KIF13B: variants seen among roughly 807,000 people sequenced by gnomAD.
The protein encoded by KIF13B is kinesin family member 13B, also known as kinesin-like protein KIF13B.
Under a neutral mutation model 222.0 loss-of-function variants are expected in KIF13B, and 127 were observed. That is an observed-to-expected ratio of 0.57 (90% CI 0.50 to 0.66). The LOEUF (loss-of-function observed/expected upper bound fraction) is 0.66. Ranked by LOEUF, KIF13B falls within the 30% of genes least tolerant of loss-of-function variation. The probability of loss-of-function intolerance (pLI) is 0.00; values close to 1 mark genes in which losing one functional copy is unlikely to be tolerated. For synonymous variants in KIF13B, 976 were observed against 919.0 expected (o/e 1.06, Z -1.12); for missense variants, 2,173 against 2,379.0 (o/e 0.91, Z 1.80).
chr8:29,070,754 C>A lies in KIF13B; in HGVS notation c.5231G>T (p.Gly1744Val). The stretch of plus-strand genomic sequence containing the variant: ...GAAGTACTGCTTCCCGCCGATGGAA[C>A]CGTCATTCTTACCTGCGGGGGAAGG... Reference protein sequence around the residue: ...ELDLPSGKNDGSIGGKQYFRC... With the variant: ...ELDLPSGKNDVSIGGKQYFRC... The change falls in exon 40 of 40, where the codon GGT becomes GTT. Residue 1744 changes from glycine (G) to valine (V), a missense_variant. Gly to Val is a moderately radical substitution (Grantham distance 109). Transcript: ENST00000524189. The surrounding 1 kb of genome is among the most constrained non-coding windows in gnomAD (Gnocchi z 4.1). The A allele has an allele frequency of 6.3e-7, 1 of 1,588,242 alleles. No individual in the cohort carries two copies. Among genetic ancestry groups the A allele is most frequent in the Admixed American group, 1.8e-5 (1 of 56,602 alleles).
At chr8:29,253,587 A>G (rs1030627313) in intron 1 of KIF13B, among the ~76,000 whole-genome samples, 1 of 151,972 alleles carries the variant, frequency 6.6e-6, no homozygotes, top group Non-Finnish European at 1.5e-5. Flanking sequence ...AAAGAAACCA[A>G]TCAACCTCAG....
intron 29 of KIF13B, among the ~76,000 whole-genome samples, chr8:29,120,308 T>G (rs1809807826): frequency 9.1e-6 from 1 of 110,182 alleles, no homozygotes; most frequent in Admixed American, 9.5e-5. Context: ...TAGGTATATC[T>G]CCCAATGCTA....
At chr8:29,122,503 G>A in intron 29 of KIF13B, 88 bp downstream of exon 29, 1 of 1,035,014 alleles carries the variant, frequency 9.7e-7, no homozygotes, top group Non-Finnish European at 1.5e-6. Flanking sequence ...GGACAGAATT[G>A]CCTCACGATG....
chr8:29,242,967 T>C (rs1815845688), intron 2 of KIF13B, among the ~76,000 whole-genome samples: 1 of 152,212 alleles, frequency 6.6e-6, no homozygotes, highest in Non-Finnish European at 1.5e-5. Context: ...TTTATGACCT[T>C]GCAAAGCTGA....
chr8:29,099,315 A>T, intron 35 of KIF13B, 74 bp from the exon 36 acceptor site: 1 of 1,013,970 alleles, frequency 9.9e-7, no homozygotes. Context: ...ACAGATACTC[A>T]AGAAAAAAAA....
chr8:29,130,269 T>G lies in KIF13B; in HGVS notation c.3075+264A>C, dbSNP rs1201070660. On this transcript the variant is annotated intron_variant, in intron 24 of 39. Coordinates refer to ENST00000524189, the MANE Select transcript of KIF13B (RefSeq NM_015254.4). ...GCTCACACCCATAATTCCAACACTT[T>G]GGAAGGCCAAGGTGGGAGGATTGCT... Among the ~76,000 whole-genome samples the G allele has an allele frequency of 5.9e-5, 9 of 152,314 alleles. No homozygotes were observed. The South Asian group carries it at 6.2e-4, about 11-fold the overall frequency.
chr8:29,072,758 C>A (rs1424227251), intron 38 of KIF13B, among the ~76,000 whole-genome samples: 1 of 152,146 alleles, frequency 6.6e-6, no homozygotes, highest in Non-Finnish European at 1.5e-5. Context: ...GCCTGCCATG[C>A]AGGGCCAGCA....
chr8:29,161,173 A>G (rs1410926418), intron 12 of KIF13B, among the ~76,000 whole-genome samples: 2 of 152,230 alleles, frequency 1.3e-5, no homozygotes, highest in African/African-American at 2.4e-5. Flanking sequence ...CTGTATATAT[A>G]AAAGCAAAAG....
intron 37 of KIF13B, among the ~76,000 whole-genome samples, chr8:29,077,380 G>A (rs899546161): frequency 4.6e-5 from 7 of 152,340 alleles, no homozygotes; most frequent in South Asian, 2.1e-4. Flanking sequence ...GCCAGGGCTC[G>A]TATCTTCATT....
In KIF13B at chr8:29,201,725, G is replaced by A. The variant is rs375493201; in HGVS notation, c.150-5526C>T. On this transcript the variant is annotated intron_variant, in intron 2 of 39. Transcript: ENST00000524189. ...ACCCCACCCCAACCCGCTGTATAAC[G>A]GATGTATACATCACAAAGAGCTTAT... Among the ~76,000 whole-genome samples, 15 of 152,284 alleles carry A rather than the reference G, an allele frequency of 9.9e-5. No individual in the cohort carries two copies. In the South Asian group the frequency reaches 1.9e-3, roughly 19 times the overall value.
intron 26 of KIF13B, 44 bp from the exon 27 acceptor site, chr8:29,124,167 T>C: frequency 8.6e-7 from 1 of 1,161,070 alleles, no homozygotes; most frequent in South Asian, 1.3e-5. Flanking sequence ...AATGTCAAGA[T>C]AATCTATCTG....
intron 37 of KIF13B, among the ~76,000 whole-genome samples, chr8:29,090,752 C>T (rs1299865294): frequency 6.6e-6 from 1 of 152,082 alleles, no homozygotes; most frequent in African/African-American, 2.4e-5. Flanking sequence ...CTCTGTCACC[C>T]AGGCTGGAAT....
At chr8:29,175,323 T>C (rs373737765) in intron 10 of KIF13B, among the ~76,000 whole-genome samples, 1 of 152,306 alleles carries the variant, frequency 6.6e-6, no homozygotes, top group African/African-American at 2.4e-5. Flanking sequence ...TCCTATTACA[T>C]GTTATCACCA....
In KIF13B at chr8:29,116,838, C is replaced by A; in HGVS notation, c.3830G>T (p.Gly1277Val). ...LRKRICVNVHGRQGFAQSLLK... is the reference protein window; with the variant it reads ...LRKRICVNVHVRQGFAQSLLK... ...CTTCCACTGAAGACTAACCTGGCGG[C>A]CGTGAACATTGACACAGATTCTCTT... Residue 1277 changes from glycine to valine, a missense_variant, in exon 31 of 40, where the codon GGC (glycine) becomes GTC (valine). Coordinates refer to ENST00000524189, the MANE Select transcript of KIF13B (RefSeq NM_015254.4). 6.2e-7 allele frequency: 1 copy of A among 1,605,050 alleles called. No homozygotes were observed. Among genetic ancestry groups the A allele is most frequent in the Non-Finnish European group, 8.5e-7 (1 of 1,173,740 alleles).
chr8:29,085,231 G>T (rs1042017395), intron 37 of KIF13B, among the ~76,000 whole-genome samples: 31 of 152,252 alleles, frequency 2.0e-4, no homozygotes, highest in African/African-American at 6.7e-4. Flanking sequence ...AAGCATCCAG[G>T]TTTTCATTAA....
intron 12 of KIF13B, among the ~76,000 whole-genome samples, chr8:29,164,681 T>C (rs950102776): frequency 1.3e-5 from 2 of 152,168 alleles, no homozygotes; most frequent in Non-Finnish European, 2.9e-5. Flanking sequence ...AAAAGCCTGT[T>C]AGATGGGGTC....
At chr8:29,241,752 C>CATAA (rs1188379261) in intron 2 of KIF13B, among the ~76,000 whole-genome samples, 1 of 150,492 alleles carries the variant, frequency 6.6e-6, no homozygotes, top group Non-Finnish European at 1.5e-5. Flanking sequence ...GAATGTCCTC[C>CATAA]ATAAAGCAGA....
intron 2 of KIF13B, among the ~76,000 whole-genome samples, chr8:29,216,175 T>C (rs928629258): frequency 6.6e-6 from 1 of 152,212 alleles, no homozygotes; most frequent in African/African-American, 2.4e-5. Context: ...TACACTTTAA[T>C]ACACCAACCC....
At position 29,223,520 on chromosome 8, in the gene KIF13B, G is replaced by A. The variant is rs1296082439; in HGVS notation, c.149+21826C>T. On this transcript the variant is annotated intron_variant, in intron 2 of 39. Coordinates refer to ENST00000524189, the MANE Select transcript of KIF13B (RefSeq NM_015254.4). ...TTATGTATATCTAACAATTTAAATG[G>A]ATAAAAGATAGATCAATATGCTATT... Among the ~76,000 whole-genome samples, 3 of 152,136 alleles carry A rather than the reference G, an allele frequency of 2.0e-5. No homozygotes were observed. In the East Asian group the frequency reaches 5.8e-4, roughly 29 times the overall value.
Sources: gnomAD v4.1 joint callset for allele counts (sites outside exome capture counted in the v4.1 genomes callset) on GRCh38, gnomAD v4.1.1 for gene constraint, Gnocchi (gnomAD v3.1) non-coding constraint, MANE v1.5 for transcripts, NCBI Gene and HGNC (gene_info 2026-07-23, HGNC 2026-07-21) for gene names.